The following NEDD4L variants were observed in gnomAD, a reference collection of about 807,000 sequenced individuals.
NEDD4L encodes the protein NEDD4 like E3 ubiquitin protein ligase.
Under a neutral mutation model 148.9 loss-of-function variants are expected in NEDD4L, and 54 were observed. That is an observed-to-expected ratio of 0.36 (90% CI 0.29 to 0.45). The LOEUF is 0.45. Among genes scored for constraint, NEDD4L ranks in the 20% least tolerant of loss-of-function variants. The probability of loss-of-function intolerance (pLI) is 1.00; values close to 1 mark genes in which losing one functional copy is unlikely to be tolerated. For missense variants in NEDD4L, 856 were observed against 1,233.8 expected (o/e 0.69, Z 4.59); for synonymous variants, 433 against 440.7 (o/e 0.98, Z 0.22).
chr18:58,256,562 C>T lies in NEDD4L; in HGVS notation c.297+4508C>T, dbSNP rs567310554. 1.6e-6 allele frequency: 2 copies of T among 1,232,342 alleles called. No homozygotes were observed. The highest frequency in any genetic ancestry group is 3.1e-5 in the African/African-American group (2 of 64,548). 76.3% of individuals were successfully genotyped at this position (1,232,342 alleles called of 1,614,324 possible). ...AGATCGGGGAGCCCTGGAGGCATCGCCTCGAGCTGGCAGGATGGCTCCTGA... is the reference window on the plus strand; with the variant it reads ...AGATCGGGGAGCCCTGGAGGCATCGTCTCGAGCTGGCAGGATGGCTCCTGA... On this transcript the variant is annotated intron_variant, in intron 5 of 30. Coordinates refer to ENST00000400345, the MANE Select transcript of NEDD4L (RefSeq NM_001144967.3). The surrounding 1 kb of genome is among the most constrained non-coding windows in gnomAD (Gnocchi z 5.2).
chr18:58,281,537 T>C (rs2053091077), intron 5 of NEDD4L, among the ~76,000 whole-genome samples: 1 of 152,210 alleles, frequency 6.6e-6, no homozygotes, highest in East Asian at 1.9e-4. Context: ...GTCTCTTAAT[T>C]ATTAGGTAAT....
chr18:58,314,628 C>T (rs2058067225), intron 5 of NEDD4L: 1 of 152,168 alleles, frequency 6.6e-6, no homozygotes, highest in African/African-American at 2.4e-5. Context: ...CCTCTTACCG[C>T]TCTATGCTAG....
At chr18:58,179,255 C>CAAG (rs2038543761) in intron 2 of NEDD4L, among the ~76,000 whole-genome samples, 1 of 152,182 alleles carries the variant, frequency 6.6e-6, no homozygotes, top group African/African-American at 2.4e-5. Flanking sequence ...AGTGAGACTT[C>CAAG]ACCCACTAGT....
chr18:58,207,214 C>T (rs1399347740), intron 2 of NEDD4L, among the ~76,000 whole-genome samples: 1 of 152,074 alleles, frequency 6.6e-6, no homozygotes, highest in Non-Finnish European at 1.5e-5. Context: ...TATCACGGAA[C>T]TTTGGAAAAC....
chr18:58,167,799 G>T (rs1002514737), intron 2 of NEDD4L, among the ~76,000 whole-genome samples: 2 of 152,100 alleles, frequency 1.3e-5, no homozygotes, highest in African/African-American at 4.8e-5. Context: ...TTAAAAATAT[G>T]TATTCTCACT....
At chr18:58,084,655 A>G (rs116663324) in intron 1 of NEDD4L, among the ~76,000 whole-genome samples, 2,220 of 136,022 alleles carry the variant, frequency 0.016, 54 homozygotes, top group African/African-American at 0.056. Flanking sequence ...CCTTCTCACT[A>G]TATCTTGTGG....
chr18:58,388,955 G>A (rs2049418757), intron 27 of NEDD4L, 130 bp from the exon 28 acceptor site: 1 of 725,332 alleles, frequency 1.4e-6, no homozygotes, highest in South Asian at 1.6e-5. Context: ...GCCTTCCTCT[G>A]TTGTTATGAT....
intron 1 of NEDD4L, among the ~76,000 whole-genome samples, chr18:58,065,360 C>T (rs1247743346): frequency 1.3e-5 from 2 of 152,178 alleles, no homozygotes; most frequent in East Asian, 1.9e-4. Flanking sequence ...CTCTAGAGTG[C>T]CTGGCGAGGT....
At chr18:58,234,121 CCTTCTTTTTTT>C (rs2045675552) in intron 2 of NEDD4L, among the ~76,000 whole-genome samples, 1 of 27,930 alleles carries the variant, frequency 3.6e-5, no homozygotes, top group African/African-American at 9.7e-5. Context: ...CTTTTCTTTT[CCTTCTTTTTTT>C]CTTTCTTTCT....
intron 1 of NEDD4L, among the ~76,000 whole-genome samples, chr18:58,083,487 A>C (rs1264787725): frequency 2.0e-5 from 3 of 152,160 alleles, no homozygotes; most frequent in African/African-American, 4.8e-5. Flanking sequence ...GGAGATCGAG[A>C]CCATCCTGGC....
At chr18:58,194,826 C>CGGG (rs879533563) in intron 2 of NEDD4L, among the ~76,000 whole-genome samples, 2 of 152,090 alleles carry the variant, frequency 1.3e-5, no homozygotes, top group African/African-American at 4.8e-5. Context: ...TTTAGAGCCA[C>CGGG]GGGGAACTGT....
At chr18:58,066,179 A>G (rs1165511726) in intron 1 of NEDD4L, among the ~76,000 whole-genome samples, 2 of 152,158 alleles carry the variant, frequency 1.3e-5, no homozygotes, top group Non-Finnish European at 2.9e-5. Context: ...ATTTCCTGTT[A>G]CATCTCATGA....
chr18:58,244,783 T>C (rs2047054681), intron 2 of NEDD4L, among the ~76,000 whole-genome samples: 1 of 152,096 alleles, frequency 6.6e-6, no homozygotes, highest in East Asian at 1.9e-4. Context: ...GCAACCTCTG[T>C]CTCTCAGGTT....
chr18:58,183,522 C>A (rs893095946), intron 2 of NEDD4L, among the ~76,000 whole-genome samples: 3 of 152,314 alleles, frequency 2.0e-5, no homozygotes, highest in East Asian at 3.9e-4. Flanking sequence ...CTAGGTAGAA[C>A]AAACACTCTT....
chr18:58,090,797 T>C, intron 1 of NEDD4L: 1 of 151,174 alleles, frequency 6.6e-6, no homozygotes, highest in Non-Finnish European at 1.5e-5. Context: ...ATTTATTTTA[T>C]TTCATTTGAG....
intron 3 of NEDD4L, among the ~76,000 whole-genome samples, chr18:58,245,744 G>T: frequency 7.6e-6 from 1 of 130,742 alleles, no homozygotes. Context: ...GCAATGGCAT[G>T]TTCTCAGCTC....
At chr18:58,369,822 G>A (rs539541092) in intron 22 of NEDD4L, among the ~76,000 whole-genome samples, 56 of 152,336 alleles carry the variant, frequency 3.7e-4, no homozygotes, top group African/African-American at 1.3e-3. Context: ...TCCCTCCGCG[G>A]GGGGTTGCAC....
At chr18:58,303,756 A>G (rs1392177427) in intron 5 of NEDD4L, among the ~76,000 whole-genome samples, 1 of 152,228 alleles carries the variant, frequency 6.6e-6, no homozygotes, top group Non-Finnish European at 1.5e-5. Context: ...ATTAGCCACT[A>G]AGAAATAGTG....
At chr18:58,212,560 C>T (rs1393162456) in intron 2 of NEDD4L, among the ~76,000 whole-genome samples, 2 of 152,146 alleles carry the variant, frequency 1.3e-5, no homozygotes, top group African/African-American at 4.8e-5. Flanking sequence ...GGGTCCCTCC[C>T]GTGACACGTG....
Sources: allele counts gnomAD v4.1 joint callset (sites outside exome capture counted in the v4.1 genomes callset), GRCh38; gene constraint gnomAD v4.1.1; non-coding constraint Gnocchi (gnomAD v3.1); transcripts MANE v1.5; gene names NCBI Gene and HGNC (gene_info 2026-07-23, HGNC 2026-07-21).